Variants in SYNE2 observed in about 807,000 individuals in gnomAD.
SYNE2 encodes nesprin-2.
SYNE2 carries 431 observed loss-of-function variants against 856.3 expected under a neutral mutation model. That is an observed-to-expected ratio of 0.50 (90% confidence interval 0.47 to 0.55). The LOEUF (loss-of-function observed/expected upper bound fraction) is 0.55. Among genes scored for constraint, SYNE2 ranks in the 20% least tolerant of loss-of-function variants. The probability of loss-of-function intolerance (pLI) is 0.00; values close to 1 mark genes in which losing one functional copy is unlikely to be tolerated. For synonymous variants in SYNE2, 2,923 were observed against 2,872.3 expected, an observed-to-expected ratio of 1.02 and a Z score of -0.56; for missense variants, 8,129 against 8,023.2, an observed-to-expected ratio of 1.01 and a Z score of -0.50.
intron 66 of SYNE2, among the ~76,000 whole-genome samples, chr14:64,115,749 A>G (rs928725777): frequency 2.0e-5 from 3 of 152,236 alleles, no homozygotes; most frequent in Non-Finnish European, 4.4e-5. Flanking sequence ...GCTCATTTAT[A>G]TAACATAACA....
intron 51 of SYNE2, among the ~76,000 whole-genome samples, chr14:64,069,724 A>G (rs2097389064): frequency 6.6e-6 from 1 of 152,204 alleles, no homozygotes. Context: ...GGCATGCCCC[A>G]GGCCACTAGA....
At chr14:63,851,733 T>A (rs977736961), upstream of SYNE2, among the ~76,000 whole-genome samples, 1 of 151,960 alleles carries the variant, frequency 6.6e-6, no homozygotes, top group Non-Finnish European at 1.5e-5. Context: ...TTGAGTCACT[T>A]AAATAATTCA....
At chr14:63,902,407 C>CAAAAAAA (rs10533353) in intron 1 of SYNE2, among the ~76,000 whole-genome samples, 1 of 74,636 alleles carries the variant, frequency 1.3e-5, no homozygotes, top group African/African-American at 5.9e-5. Context: ...CGAGACTCCT[C>CAAAAAAA]AAAAAAAAAA....
intron 108 of SYNE2, among the ~76,000 whole-genome samples, chr14:64,216,748 G>A (rs568235238): frequency 6.6e-6 from 1 of 152,110 alleles, no homozygotes; most frequent in African/African-American, 2.4e-5. Context: ...TTGTGGAGAC[G>A]GAGTCTCATT....
At chr14:64,160,843 C>T (rs1030647388) in intron 87 of SYNE2, among the ~76,000 whole-genome samples, 7 of 151,962 alleles carry the variant, frequency 4.6e-5, no homozygotes, top group Admixed American at 6.6e-5. Context: ...GAAAAAAAGC[C>T]TTTTGAATAA....
At chr14:63,852,010 T>TCGGGG (rs796230278), upstream of SYNE2, among the ~76,000 whole-genome samples, 1 of 2,426 alleles carries the variant, frequency 4.1e-4, no homozygotes, top group Non-Finnish European at 1.0e-3. Context: ...ATGGATGAAA[T>TCGGGG]GGGGGGGGGG....
At chr14:63,936,211 G>A (rs1487712707) in intron 2 of SYNE2, among the ~76,000 whole-genome samples, 1 of 152,118 alleles carries the variant, frequency 6.6e-6, no homozygotes, top group Non-Finnish European at 1.5e-5. Flanking sequence ...TTTATTTAGG[G>A]CCTACACTGG....
chr14:64,197,644 A>G (rs969390723), intron 99 of SYNE2, among the ~76,000 whole-genome samples: 1 of 152,170 alleles, frequency 6.6e-6, no homozygotes. Flanking sequence ...GTTCACTTAG[A>G]CTGATTTAGG....
At chr14:63,762,534 G>T (rs1033149212) in intron 1 of SYNE2, among the ~76,000 whole-genome samples, 3 of 150,196 alleles carry the variant, frequency 2.0e-5, no homozygotes, top group Non-Finnish European at 4.4e-5. Context: ...GAATGGACTG[G>T]ATCATTAAAT....
intron 1 of SYNE2, among the ~76,000 whole-genome samples, chr14:63,841,922 T>C (rs1054476183): frequency 2.9e-5 from 4 of 140,282 alleles, no homozygotes; most frequent in Non-Finnish European, 6.1e-5. Flanking sequence ...AAGCTCCACC[T>C]CCTAAGTTCA....
intron 32 of SYNE2, among the ~76,000 whole-genome samples, chr14:64,014,960 T>C (rs1220482856): frequency 3.2e-4 from 19 of 59,724 alleles, no homozygotes; most frequent in South Asian, 1.3e-3. Context: ...TATATATATA[T>C]ATATATATAT....
intron 41 of SYNE2, 107 bp from the exon 42 acceptor site, chr14:64,026,472 A>G (rs2153539561): frequency 2.3e-6 from 2 of 865,182 alleles, no homozygotes; most frequent in East Asian, 2.6e-5. Context: ...ATGTTGAAAT[A>G]TACCCTACAG....
chr14:64,223,117 G>GA (rs2098702532), intron 112 of SYNE2, 72 bp from the exon 113 acceptor site: 1 of 1,573,206 alleles, frequency 6.4e-7, no homozygotes, highest in African/African-American at 1.4e-5. Flanking sequence ...CTGGTACTGA[G>GA]AAAAACCTCC....
intron 21 of SYNE2, 143 bp from the exon 22 acceptor site, chr14:63,993,692 C>G: frequency 1.4e-6 from 1 of 717,600 alleles, no homozygotes; most frequent in East Asian, 2.7e-5. Flanking sequence ...AGAGAAGTCT[C>G]CTATAAATCT....
chr14:64,194,814 C>G (rs934226008), intron 99 of SYNE2, among the ~76,000 whole-genome samples: 10 of 152,198 alleles, frequency 6.6e-5, no homozygotes, highest in African/African-American at 2.4e-4. Flanking sequence ...CGGGCCAAAG[C>G]TCTGAAAAGA....
Position 64,049,604 on chromosome 14 carries a change from T to C in SYNE2, c.7378-7T>C, listed in dbSNP as rs1318750254. On this transcript the variant is annotated splice_polypyrimidine_tract_variant and splice_region_variant and intron_variant, in intron 46 of 115. Transcript: ENST00000555002. ...TTTATTGACTGATCTGTGTGACTTATTTTTAGAAATTATATACCCAGTTGG... is the reference window on the plus strand; with the variant it reads ...TTTATTGACTGATCTGTGTGACTTACTTTTAGAAATTATATACCCAGTTGG... 2 of 1,613,944 alleles carry C rather than the reference T, an allele frequency of 1.2e-6. No homozygotes were observed. The highest frequency in any genetic ancestry group is 1.7e-6 in the Non-Finnish European group (2 of 1,179,940).
intron 79 of SYNE2, 91 bp downstream of exon 79, chr14:64,138,074 C>T (rs2098110533): frequency 1.4e-6 from 2 of 1,429,416 alleles, no homozygotes; most frequent in South Asian, 1.2e-5. Flanking sequence ...ACCTGCAACC[C>T]ACCTTATGCT....
At chr14:63,817,889 G>T (rs530668958) in intron 1 of SYNE2, among the ~76,000 whole-genome samples, 4 of 151,846 alleles carry the variant, frequency 2.6e-5, no homozygotes, top group Non-Finnish European at 5.9e-5. Context: ...GTCGAGCATG[G>T]TGGTGCATAC....
intron 34 of SYNE2, among the ~76,000 whole-genome samples, chr14:64,018,517 C>T (rs549282303): frequency 2.8e-4 from 43 of 152,332 alleles, no homozygotes; most frequent in Middle Eastern, 3.4e-3. Context: ...GCTGGGATTA[C>T]AGGCGTGAGC....
Sources: allele counts gnomAD v4.1 joint callset (sites outside exome capture counted in the v4.1 genomes callset), GRCh38; gene constraint gnomAD v4.1.1; transcripts MANE v1.5; gene names NCBI Gene and HGNC (gene_info 2026-07-23, HGNC 2026-07-21).